CYP1B1: variants seen among roughly 807,000 people sequenced by gnomAD.
The protein encoded by CYP1B1 is cytochrome P450 family 1 subfamily B member 1, also known as cytochrome P450 1B1.
In CYP1B1, 22 loss-of-function variants were observed where a neutral mutation model predicts 29.9. That is an observed-to-expected ratio of 0.74 (90% CI 0.53 to 1.05). The LOEUF is 1.05. Ranked by LOEUF, CYP1B1 falls within the 50% of genes least tolerant of loss-of-function variation. The pLI is 0.00. For missense variants in CYP1B1, 883 were observed against 746.9 expected (o/e 1.18, Z -2.12); for synonymous variants, 375 against 320.0 (o/e 1.17, Z -1.83).
In CYP1B1 at chr2:38,069,339, G is replaced by A; in HGVS notation, c.*1383C>T. On this transcript the variant is annotated 3_prime_UTR_variant, in exon 3 of 3. Coordinates refer to ENST00000610745, the MANE Select transcript of CYP1B1 (RefSeq NM_000104.4). ...CCCAACTCTTGTCACCTCGTAAAAA[G>A]AACATCCAGGTAATTCATGGCATTT... is the stretch of plus-strand genomic sequence containing the variant. 4.6e-6 allele frequency: 1 copy of A among 218,790 alleles called. No homozygotes were observed. The highest frequency in any genetic ancestry group is 9.2e-6 in the Non-Finnish European group (1 of 108,980). The allele number at this position is 218,790 out of a possible 1,614,324, so 13.6% of individuals were successfully genotyped here.
At chr2:38,074,003 C>A (rs1682477599) in intron 2 of CYP1B1, 2 of 410,268 alleles carry the variant, frequency 4.9e-6, no homozygotes, top group Non-Finnish European at 8.9e-6. Context: ...TGTAATGCGC[C>A]AGGGAGAGAG....
At chr2:38,071,488 TTACAA>T (rs1682432992) in intron 2 of CYP1B1, among the ~76,000 whole-genome samples, 178 bp from the exon 3 acceptor site, 1 of 152,238 alleles carries the variant, frequency 6.6e-6, no homozygotes, top group African/African-American at 2.4e-5. Flanking sequence ...TCTCACTAAA[TTACAA>T]GATGGACTTT....
At chr2:38,074,191 G>T in intron 2 of CYP1B1, 155 bp downstream of exon 2, 2 of 821,406 alleles carry the variant, frequency 2.4e-6, no homozygotes, top group Non-Finnish European at 3.9e-6. Flanking sequence ...CCCTCACTGT[G>T]AGTCCCTTTA....
chr2:38,075,345 G>A lies in CYP1B1; in HGVS notation c.44C>T (p.Pro15Leu). The A allele has an allele frequency of 1.9e-6, 3 of 1,613,258 alleles. No homozygotes were observed. Among genetic ancestry groups the A allele is most frequent in the Non-Finnish European group, 2.5e-6 (3 of 1,179,960 alleles). Reference sequence around the variant, plus strand: ...GAGCGTGGTCTGCTGGATGGACAGCGGGTTTAGCGGCCAAGGGTCGTTCGG... The same window carrying A: ...GAGCGTGGTCTGCTGGATGGACAGCAGGTTTAGCGGCCAAGGGTCGTTCGG... ...LSPNDPWPLN[P>L]LSIQQTTLLL... The change falls in exon 2 of 3, where the codon CCG (proline) becomes CTG (leucine). Residue 15 changes from proline to leucine, a missense_variant. Transcript: ENST00000610745.
Position 38,070,816 on chromosome 2 carries a change from G to A in CYP1B1, c.1538C>T (p.Pro513Leu). 6.2e-7 allele frequency: 1 copy of A among 1,614,064 alleles called. No homozygotes were observed. Among genetic ancestry groups the A allele is most frequent in the South Asian group, 1.1e-5 (1 of 91,084 alleles). ...MNFSYGLTIKPKSFKVNVTLR... is the reference protein window; with the variant it reads ...MNFSYGLTIKLKSFKVNVTLR... ...AGTGACATTGACTTTAAATGACTTG[G>A]GTTTAATGGTTAGACCATAACTGAA... Residue 513 changes from proline to leucine, a missense_variant, in exon 3 of 3, where the codon CCC becomes CTC. Physicochemically the swap from Pro to Leu is moderately conservative, Grantham distance 98. Transcript: ENST00000610745.
chr2:38,075,358 A>T lies in CYP1B1; in HGVS notation c.31T>A (p.Trp11Arg), dbSNP rs775608287. 15 of 1,613,094 alleles carry T rather than the reference A, an allele frequency of 9.3e-6. No individual in the cohort carries two copies. Among genetic ancestry groups the T allele is most frequent in the Admixed American group, 3.3e-5 (2 of 59,996 alleles). Reference protein sequence around the residue: MGTSLSPNDPWPLNPLSIQQT... With the variant: MGTSLSPNDPRPLNPLSIQQT... ...TGGATGGACAGCGGGTTTAGCGGCC[A>T]AGGGTCGTTCGGGCTGAGGCTGGTG... Residue 11 changes from tryptophan to arginine, a missense_variant, in exon 2 of 3, where the codon TGG becomes AGG. By Grantham distance (101) the Trp-to-Arg change is moderately radical. Coordinates refer to ENST00000610745, the MANE Select transcript of CYP1B1 (RefSeq NM_000104.4).
chr2:38,074,300 T>G (rs1682483651), intron 2 of CYP1B1, 46 bp downstream of exon 2: 1 of 1,599,354 alleles, frequency 6.3e-7, no homozygotes, highest in East Asian at 2.2e-5. Context: ...TACTCCGCCT[T>G]TTTCAGAGGA....
intron 2 of CYP1B1, among the ~76,000 whole-genome samples, chr2:38,072,690 T>A (rs1682453376): frequency 6.6e-6 from 1 of 152,206 alleles, no homozygotes; most frequent in Admixed American, 6.5e-5. Flanking sequence ...TAGAAACATG[T>A]ATGGTGGGGA....
In CYP1B1 at chr2:38,070,604, G is replaced by C. The variant is rs1799885; in HGVS notation, c.*118C>G. On this transcript the variant is annotated 3_prime_UTR_variant, in exon 3 of 3. Transcript: ENST00000610745. The stretch of plus-strand genomic sequence containing the variant: ...CTCACCTGATGGACAGTTGATTTAT[G>C]CTCACCTTAAACGCTAATTGAGAAG... 1,137 of 911,094 alleles carry C rather than the reference G, an allele frequency of 1.2e-3. 12 individuals are homozygous for C. The Admixed American group carries it at 0.018, about 15-fold the overall frequency. The allele number at this position is 911,094 out of a possible 1,614,324, so 56.4% of individuals were successfully genotyped here.
chr2:38,072,655 T>C lies in CYP1B1; in HGVS notation c.1044-1345A>G, dbSNP rs77553792. 5.3e-5 allele frequency among the ~76,000 whole-genome samples: 8 copies of C among 152,360 alleles called. No homozygotes were observed. The East Asian group carries it at 1.5e-3, about 29-fold the overall frequency. ...TAGAATCGCTTCTTCAACATTATAT[T>C]GCAGGAGTCTGCCAACTTTTTTCAT... On this transcript the variant is annotated intron_variant, in intron 2 of 2. Transcript: ENST00000610745.
Position 38,075,036 on chromosome 2 carries a change from G to T in CYP1B1, c.353C>A (p.Pro118Gln), listed in dbSNP as rs73625096. The T allele has an allele frequency of 6.3e-7, 1 of 1,589,072 alleles. No homozygotes were observed. Among genetic ancestry groups the T allele is most frequent in the East Asian group, 2.3e-5 (1 of 44,340 alleles). ...CACCACACGGAAGGAGGCGAAGGCC[G>T]GCCGGTCGGCGAAGGCCGAGCCCTG... Reference protein sequence around the residue: ...VQQGSAFADRPAFASFRVVSG... With the variant: ...VQQGSAFADRQAFASFRVVSG... The change falls in exon 2 of 3, where the codon CCG becomes CAG. Residue 118 changes from proline (P) to glutamine (Q), a missense_variant. Transcript: ENST00000610745.
Position 38,068,187 on chromosome 2 carries a change from G to A in CYP1B1, c.*2535C>T, listed in dbSNP as rs750830399. 3 of 214,212 alleles carry A rather than the reference G, an allele frequency of 1.4e-5. No individual in the cohort carries two copies. Among genetic ancestry groups the A allele is most frequent in the Non-Finnish European group, 1.9e-5 (2 of 105,942 alleles). 13.3% of individuals were successfully genotyped at this position (214,212 alleles called of 1,614,324 possible). A position where few individuals can be genotyped will look rare whatever the true frequency, so the allele number is the denominator to read the frequency against. On this transcript the variant is annotated 3_prime_UTR_variant, in exon 3 of 3. Transcript: ENST00000610745. ...TTGTCAGCAAATACATTCTCTCTCC[G>A]GTAGAAACACAATGAGGGTTTCTGA...
chr2:38,071,249 G>T lies in CYP1B1; in HGVS notation c.1105C>A (p.Leu369Met). ...TTGGGCTGGTCACCCATACAAGGCA[G>T]ACGGTCCCTCCCCACGACCTGATCC... The part of the protein sequence containing the change: ...ELDQVVGRDR[L>M]PCMGDQPNLP... The change falls in exon 3 of 3, where the codon CTG becomes ATG. Residue 369 changes from leucine (L) to methionine (M), a missense_variant. Transcript: ENST00000610745. 1 of 1,613,152 alleles carries T rather than the reference G, an allele frequency of 6.2e-7. No individual in the cohort carries two copies. The highest frequency in any genetic ancestry group is 8.5e-7 in the Non-Finnish European group (1 of 1,180,048).
chr2:38,071,812 T>G (rs1682438514), intron 2 of CYP1B1, among the ~76,000 whole-genome samples: 1 of 152,206 alleles, frequency 6.6e-6, no homozygotes, highest in South Asian at 2.1e-4. Flanking sequence ...AATTTTTAAT[T>G]TTTTTATAGT....
chr2:38,075,683 G>A, intron 1 of CYP1B1, 97 bp downstream of exon 1: 1 of 529,330 alleles, frequency 1.9e-6, no homozygotes, highest in Non-Finnish European at 3.4e-6. Context: ...CGAGGCGGTG[G>A]CGCTTGATTT....
At position 38,067,659 on chromosome 2, in the gene CYP1B1, GA is replaced by G. The variant is rs1421207243; in HGVS notation, c.*3062del. On this transcript the variant is annotated 3_prime_UTR_variant, in exon 3 of 3. Transcript: ENST00000610745. ...GTAATGGTGTCCCAGTATAAGTAAT[GA>G]GATACAATTTTTTTTTAATTTGGTA... 5.6e-6 allele frequency: 1 copy of G among 178,276 alleles called. No individual in the cohort carries two copies. The highest frequency in any genetic ancestry group is 2.4e-5 in the African/African-American group (1 of 42,298). The allele number at this position is 178,276 out of a possible 1,614,324, so 11.0% of individuals were successfully genotyped here.
rs781631340 is a variant in CYP1B1, at chr2:38,075,317, C to A, written c.72G>T (p.Leu24=). 3 of 1,612,412 alleles carry A rather than the reference C, an allele frequency of 1.9e-6. No individual in the cohort carries two copies. Residue 24 remains leucine (L), a synonymous_variant, in exon 2 of 3, where the codon CTG becomes CTT. Transcript: ENST00000610745. ...NPLSIQQTTL[L]LLLSVLATVH... is the part of the protein sequence containing the mutation. ...CAGTGGCCAGCACCGACAGGAGTAGCAGGAGCGTGGTCTGCTGGATGGACA... is the reference window on the plus strand; with the variant it reads ...CAGTGGCCAGCACCGACAGGAGTAGAAGGAGCGTGGTCTGCTGGATGGACA...
chr2:38,070,496 T>G lies in CYP1B1; in HGVS notation c.*226A>C. 1 of 556,408 alleles carries G rather than the reference T, an allele frequency of 1.8e-6. No individual in the cohort carries two copies. Among genetic ancestry groups the G allele is most frequent in the Non-Finnish European group, 3.2e-6 (1 of 315,872 alleles). The allele number at this position is 556,408 out of a possible 1,614,324, so 34.5% of individuals were successfully genotyped here. A position where few individuals can be genotyped will look rare whatever the true frequency, so the allele number is the denominator to read the frequency against. On this transcript the variant is annotated 3_prime_UTR_variant, in exon 3 of 3. Transcript: ENST00000610745. ...ATGTATATAATAATTCATTGGGCCC[T>G]TTAAGTCTTTGACTCAAAAAAATCT...
Position 38,070,974 on chromosome 2 carries a change from C to G in CYP1B1, c.1380G>C (p.Val460=). Reference sequence around the variant, plus strand: ...GCCTTTTGCCCACTGAAAAAATCATCACTCTGCTGGTCAGGTCCTTGTTGA... The same window carrying G: ...GCCTTTTGCCCACTGAAAAAATCATGACTCTGCTGGTCAGGTCCTTGTTGA... ...GLINKDLTSR[V]MIFSVGKRRC... is the part of the protein sequence containing the mutation. Residue 460 remains valine (V), a synonymous_variant, in exon 3 of 3, where the codon GTG becomes GTC. Coordinates refer to ENST00000610745, the MANE Select transcript of CYP1B1 (RefSeq NM_000104.4). 6.2e-7 allele frequency: 1 copy of G among 1,614,166 alleles called. No individual in the cohort carries two copies. The highest frequency in any genetic ancestry group is 1.3e-5 in the African/African-American group (1 of 75,040).
Sources: allele counts gnomAD v4.1 joint callset (sites outside exome capture counted in the v4.1 genomes callset), GRCh38; gene constraint gnomAD v4.1.1; transcripts MANE v1.5; gene names NCBI Gene and HGNC (gene_info 2026-07-23, HGNC 2026-07-21).